XIRP2: variants seen among roughly 807,000 people sequenced by gnomAD.
XIRP2 encodes the protein xin actin-binding repeat-containing protein 2.
Under a neutral mutation model 277.0 loss-of-function variants are expected in XIRP2, and 236 were observed. The ratio of observed to expected loss-of-function variants is 0.85; its 90% CI spans 0.77 to 0.95. The LOEUF (loss-of-function observed/expected upper bound fraction) is 0.95. Among genes scored for constraint, XIRP2 ranks in the 40% least tolerant of loss-of-function variants. XIRP2 has a pLI of 0.00. For synonymous variants in XIRP2, 1,490 were observed against 1,416.5 expected, an observed-to-expected ratio of 1.05 and a Z score of -1.17; for missense variants, 4,640 against 4,157.5, an observed-to-expected ratio of 1.12 and a Z score of -3.19.
intron 3 of XIRP2, among the ~76,000 whole-genome samples, chr2:167,149,551 G>C (rs1159277020): frequency 1.3e-5 from 2 of 152,112 alleles, no homozygotes; most frequent in Admixed American, 6.6e-5. Flanking sequence ...CGGTGAATTA[G>C]TACTTAGGCA....
At chr2:166,913,166 T>C (rs572917226) in intron 2 of XIRP2, among the ~76,000 whole-genome samples, 2 of 152,352 alleles carry the variant, frequency 1.3e-5, no homozygotes, top group East Asian at 3.9e-4. Flanking sequence ...CAGAAGTTTC[T>C]GCTGCCTTTT....
At chr2:167,116,404 G>A (rs1690897191) in intron 2 of XIRP2, among the ~76,000 whole-genome samples, 1 of 152,020 alleles carries the variant, frequency 6.6e-6, no homozygotes, top group African/African-American at 2.4e-5. Context: ...TTCTGTCTCT[G>A]GTAAATTTAT....
intron 2 of XIRP2, among the ~76,000 whole-genome samples, chr2:167,089,116 G>A (rs1353138822): frequency 6.6e-6 from 1 of 152,124 alleles, no homozygotes. Context: ...TTAGGATGAT[G>A]TCAGCTTCAT....
chr2:167,227,072 A>T (rs139034219), intron 5 of XIRP2, among the ~76,000 whole-genome samples: 38 of 152,286 alleles, frequency 2.5e-4, no homozygotes, highest in African/African-American at 8.4e-4. Context: ...TGACAGTACA[A>T]ACATAAGGCA....
chr2:166,950,411 A>G (rs1226752882), intron 2 of XIRP2, among the ~76,000 whole-genome samples: 1 of 151,998 alleles, frequency 6.6e-6, no homozygotes, highest in Non-Finnish European at 1.5e-5. Flanking sequence ...TTTTTGTACA[A>G]GGAAAAATTA....
At chr2:167,028,707 C>G (rs905134747) in intron 2 of XIRP2, among the ~76,000 whole-genome samples, 1 of 151,570 alleles carries the variant, frequency 6.6e-6, no homozygotes. Context: ...ATGACATCAC[C>G]AAATGAGCTA....
chr2:166,974,680 C>T (rs1686664743), intron 2 of XIRP2, among the ~76,000 whole-genome samples: 3 of 151,820 alleles, frequency 2.0e-5, no homozygotes, highest in East Asian at 3.9e-4. Context: ...AACATACTAC[C>T]TAAAGTTAAT....
Position 167,243,507 on chromosome 2 carries a change from A to G in XIRP2, c.2115A>G (p.Gly705=). The G allele has an allele frequency of 6.2e-7, 1 of 1,614,084 alleles. No homozygotes were observed. The highest frequency in any genetic ancestry group is 8.5e-7 in the Non-Finnish European group (1 of 1,179,976). The part of the protein sequence containing the change: ...MFETQHLDQL[G]QLHSVDEVHL... ...AAACTCAACATCTAGATCAACTTGG[A>G]CAGCTTCATTCAGTGGATGAGGTTC... Residue 705 remains glycine (G), a synonymous_variant, in exon 9 of 11, where the codon GGA becomes GGG. Coordinates refer to ENST00000409195, the MANE Select transcript of XIRP2 (RefSeq NM_152381.6).
intron 5 of XIRP2, among the ~76,000 whole-genome samples, chr2:167,234,935 C>T (rs1033814961): frequency 3.6e-4 from 55 of 151,956 alleles, no homozygotes; most frequent in African/African-American, 1.3e-3. Flanking sequence ...ATGTCAAATC[C>T]ATTAACTCAG....
chr2:167,054,910 A>G (rs986047731), intron 2 of XIRP2, among the ~76,000 whole-genome samples: 3 of 152,194 alleles, frequency 2.0e-5, no homozygotes, highest in African/African-American at 4.8e-5. Flanking sequence ...ACCATGTTCC[A>G]TGACTTAGTT....
At chr2:167,100,013 C>G (rs979188245) in intron 2 of XIRP2, among the ~76,000 whole-genome samples, 1 of 151,752 alleles carries the variant, frequency 6.6e-6, no homozygotes, top group Non-Finnish European at 1.5e-5. Flanking sequence ...TCCAAATTAC[C>G]TCATTTATTC....
At chr2:167,001,618 T>C (rs1205202221) in intron 2 of XIRP2, among the ~76,000 whole-genome samples, 2 of 152,170 alleles carry the variant, frequency 1.3e-5, no homozygotes, top group African/African-American at 2.4e-5. Flanking sequence ...AGTTTTCCTA[T>C]TGTAAATAAC....
chr2:167,240,310 G>C (rs190239144), intron 6 of XIRP2, among the ~76,000 whole-genome samples: 1 of 152,172 alleles, frequency 6.6e-6, no homozygotes. Flanking sequence ...AGCTACTCGG[G>C]GGGCTGAGGC....
intron 5 of XIRP2, among the ~76,000 whole-genome samples, chr2:167,238,626 AC>A (rs1694966922): frequency 6.6e-6 from 1 of 152,102 alleles, no homozygotes; most frequent in Non-Finnish European, 1.5e-5. Flanking sequence ...ACTGCAAAAA[AC>A]GTTTTAGTAT....
intron 3 of XIRP2, among the ~76,000 whole-genome samples, chr2:167,138,809 T>C (rs1385888626): frequency 2.0e-5 from 3 of 152,178 alleles, no homozygotes; most frequent in Non-Finnish European, 4.4e-5. Context: ...CTCATGCCTG[T>C]AATCCCAGCA....
At chr2:166,934,216 A>T (rs1685431210) in intron 2 of XIRP2, among the ~76,000 whole-genome samples, 1 of 148,488 alleles carries the variant, frequency 6.7e-6, no homozygotes, top group South Asian at 2.1e-4. Context: ...AAAAAAAAAC[A>T]AAACTAGGGT....
chr2:167,083,409 A>G (rs1283518109), intron 2 of XIRP2, among the ~76,000 whole-genome samples: 2 of 152,166 alleles, frequency 1.3e-5, no homozygotes, highest in African/African-American at 4.8e-5. Flanking sequence ...TTTGCTTAGG[A>G]TTGCCTTGGC....
intron 6 of XIRP2, 137 bp from the exon 7 acceptor site, chr2:167,240,527 T>G: frequency 3.0e-6 from 2 of 677,062 alleles, no homozygotes; most frequent in South Asian, 1.9e-5. Flanking sequence ...AAATAAATGA[T>G]AGCAGCTTAA....
rs566438648 is a variant in XIRP2 at position 166,954,106 on chromosome 2, C to A, written c.408+50216C>A. 4.4e-4 allele frequency among the ~76,000 whole-genome samples: 67 copies of A among 151,856 alleles called. 1 individual carries two copies. The Middle Eastern group carries it at 0.024, about 54-fold the overall frequency. Reference sequence around the variant, plus strand: ...CCTACTGGGTGTGTGTGTGAATGGGCAGTAAGTAGTGAGGGACCACAAAAA... The same window carrying A: ...CCTACTGGGTGTGTGTGTGAATGGGAAGTAAGTAGTGAGGGACCACAAAAA... On this transcript the variant is annotated intron_variant, in intron 2 of 10. Transcript: ENST00000409195.
Sources: gnomAD v4.1 joint callset for allele counts (sites outside exome capture counted in the v4.1 genomes callset) on GRCh38, gnomAD v4.1.1 for gene constraint, MANE v1.5 for transcripts, NCBI Gene and HGNC (gene_info 2026-07-23, HGNC 2026-07-21) for gene names.